Variants in TRIM46 observed in about 807,000 individuals in gnomAD.
TRIM46 encodes tripartite motif-containing protein 46.
A neutral mutation model predicts 69.7 loss-of-function variants in TRIM46; 17 were observed. That is an observed-to-expected ratio of 0.24 (90% confidence interval 0.17 to 0.37). The LOEUF is 0.37. Ranked by LOEUF, TRIM46 falls within the 10% of genes least tolerant of loss-of-function variation. The pLI, the probability that TRIM46 is intolerant of heterozygous loss-of-function variation, is 1.00. For synonymous variants in TRIM46, 391 were observed against 429.0 expected (o/e 0.91, Z 1.09); for missense variants, 675 against 1,025.1 (o/e 0.66, Z 4.66).
At position 155,181,827 on chromosome 1, in the gene TRIM46, A is replaced by T; in HGVS notation, c.1589-25A>T. On this transcript the variant is annotated intron_variant, in intron 8 of 9. Coordinates refer to ENST00000334634, the MANE Select transcript of TRIM46 (RefSeq NM_025058.5). The surrounding 1 kb of genome is among the most constrained non-coding windows in gnomAD (Gnocchi z 4.3). ...TGTTTGTCCCTGAAGTTCTTGCTCCATCTCAACCCTCTCCCTCCTTCCAGT... is the reference window on the plus strand; with the variant it reads ...TGTTTGTCCCTGAAGTTCTTGCTCCTTCTCAACCCTCTCCCTCCTTCCAGT... 6.3e-7 allele frequency: 1 copy of T among 1,593,280 alleles called. No individual in the cohort carries two copies. Among genetic ancestry groups the T allele is most frequent in the Non-Finnish European group, 8.6e-7 (1 of 1,166,034 alleles).
chr1:155,174,445 TCCCCAAGACCCCA>T, intron 1 of TRIM46: 4 of 937,932 alleles, frequency 4.3e-6, no homozygotes, highest in Non-Finnish European at 5.1e-6. Flanking sequence ...TTTGGACCCC[TCCCCAAGACCCCA>T]CCCCACGCAC....
chr1:155,182,368 G>C (rs913394717), intron 9 of TRIM46: 17 of 599,722 alleles, frequency 2.8e-5, no homozygotes, highest in Admixed American at 9.0e-5. Context: ...CATGTCGTGT[G>C]GTCAGGGAAA....
In TRIM46 at chr1:155,175,911, A is replaced by G; in HGVS notation, c.349A>G (p.Lys117Glu). 6.3e-7 allele frequency: 1 copy of G among 1,589,750 alleles called. No individual in the cohort carries two copies. The highest frequency in any genetic ancestry group is 8.6e-7 in the Non-Finnish European group (1 of 1,165,714). ...AGGCTTTGGGACATACCCTGGGAGG[A>G]AGCGAGGTGCTTTGCACCCCCAAGT... ...KSGFGTYPGRKRGALHPQVIM... is the reference protein window; with the variant it reads ...KSGFGTYPGRERGALHPQVIM... Residue 117 changes from lysine (K) to glutamate (E), a missense_variant, in exon 3 of 10, where the codon AAG (lysine) becomes GAG (glutamate). By Grantham distance (56) the Lys-to-Glu change is moderately conservative. Coordinates refer to ENST00000334634, the MANE Select transcript of TRIM46 (RefSeq NM_025058.5). The surrounding 1 kb of genome is among the most constrained non-coding windows in gnomAD (Gnocchi z 4.2).
In TRIM46 at chr1:155,184,079, T is replaced by G; in HGVS notation, c.2169T>G (p.Pro723=). 6.2e-7 allele frequency: 1 copy of G among 1,614,126 alleles called. No homozygotes were observed. The highest frequency in any genetic ancestry group is 2.2e-5 in the East Asian group (1 of 44,886). ...AGTGCCCCCTGGACTGCTCAGGGCC[T>G]GTGTGCCCTGCCTTTTGCTTCATCG... The part of the protein sequence containing the change: ...LLECPLDCSG[P]VCPAFCFIGG... The change falls in exon 10 of 10, where the codon CCT becomes CCG. Residue 723 remains proline, a synonymous_variant. Transcript: ENST00000334634. The surrounding 1 kb of genome is among the most constrained non-coding windows in gnomAD (Gnocchi z 5.6).
In TRIM46 at chr1:155,175,867, A is replaced by G. The variant is rs376134269; in HGVS notation, c.326-21A>G. 16 of 1,582,654 alleles carry G rather than the reference A, an allele frequency of 1.0e-5. No homozygotes were observed. Among genetic ancestry groups the G allele is most frequent in the Non-Finnish European group, 1.4e-5 (16 of 1,164,420 alleles). Reference sequence around the variant, plus strand: ...GCCAGCTGTAACTCTCATGTCCTCTACCTCCCTGGTTCACCCACAGGCTTT... The same window carrying G: ...GCCAGCTGTAACTCTCATGTCCTCTGCCTCCCTGGTTCACCCACAGGCTTT... On this transcript the variant is annotated intron_variant, in intron 2 of 9. Transcript: ENST00000334634. This position sits in a 1 kb window ranked among gnomAD's most constrained non-coding sequence, Gnocchi z 4.2.
chr1:155,182,009 G>T lies in TRIM46; in HGVS notation c.1746G>T (p.Leu582=), dbSNP rs974524194. Residue 582 remains leucine, a synonymous_variant, in exon 9 of 10, where the codon CTG becomes CTT. Transcript: ENST00000334634. ...GCCACCTGAGTGTGGATGTGGTCCT[G>T]GGCGACGTGGCTGTGACCCAGGGCC... ...TGCHLSVDVV[L]GDVAVTQGRS... The T allele has an allele frequency of 5.6e-6, 9 of 1,613,450 alleles. No homozygotes were observed. The Admixed American group carries it at 1.5e-4, about 27-fold the overall frequency.
chr1:155,184,199 G>A lies in TRIM46; in HGVS notation c.*9G>A. On this transcript the variant is annotated 3_prime_UTR_variant, in exon 10 of 10. Coordinates refer to ENST00000334634, the MANE Select transcript of TRIM46 (RefSeq NM_025058.5). This position sits in a 1 kb window ranked among gnomAD's most constrained non-coding sequence, Gnocchi z 5.6. The stretch of plus-strand genomic sequence containing the variant: ...TCGCCAAGCTGGACTGAGCCTTCCA[G>A]GCCCCTCATGCAGACCTGGGGTCCT... 6.3e-7 allele frequency: 1 copy of A among 1,590,748 alleles called. No homozygotes were observed. Among genetic ancestry groups the A allele is most frequent in the Non-Finnish European group, 8.6e-7 (1 of 1,167,866 alleles).
intron 1 of TRIM46, 104 bp downstream of exon 1, chr1:155,174,133 CA>C: frequency 7.6e-7 from 1 of 1,324,186 alleles, no homozygotes; most frequent in Non-Finnish European, 1.1e-6. Flanking sequence ...GGGATGTAGA[CA>C]GGGGGCTAGC....
chr1:155,175,337 G>T lies in TRIM46; in HGVS notation c.64-49G>T, dbSNP rs1487138088. 1 of 1,605,550 alleles carries T rather than the reference G, an allele frequency of 6.2e-7. No homozygotes were observed. Among genetic ancestry groups the T allele is most frequent in the South Asian group, 1.1e-5 (1 of 90,066 alleles). On this transcript the variant is annotated intron_variant, in intron 1 of 9. Coordinates refer to ENST00000334634, the MANE Select transcript of TRIM46 (RefSeq NM_025058.5). This position sits in a 1 kb window ranked among gnomAD's most constrained non-coding sequence, Gnocchi z 4.2. ...CAAGGGCAGCCAAGGGGCTGCTGAG[G>T]TATGCCTAAGTGTCCAAGCGCTGAC...
At chr1:155,174,307 A>G (rs890136718) in intron 1 of TRIM46, among the ~76,000 whole-genome samples, 1 of 152,062 alleles carries the variant, frequency 6.6e-6, no homozygotes, top group Non-Finnish European at 1.5e-5. Flanking sequence ...CCAGCAGTGC[A>G]CCGGGGCTGG....
chr1:155,181,007 G>A lies in TRIM46; in HGVS notation c.1589-845G>A, dbSNP rs1334435207. On this transcript the variant is annotated intron_variant, in intron 8 of 9. Coordinates refer to ENST00000334634, the MANE Select transcript of TRIM46 (RefSeq NM_025058.5). The surrounding 1 kb of genome is among the most constrained non-coding windows in gnomAD (Gnocchi z 4.3). ...CCCAGCACTTTGGGAGGCCGAGGTG[G>A]ATGGATCACGAGGTCAGGCGTTCAA... is the stretch of plus-strand genomic sequence containing the variant. Among the ~76,000 whole-genome samples, 2 of 152,198 alleles carry A rather than the reference G, an allele frequency of 1.3e-5. No individual in the cohort carries two copies. Among genetic ancestry groups the A allele is most frequent in the Non-Finnish European group, 2.9e-5 (2 of 68,048 alleles).
chr1:155,182,911 C>G (rs1557818117), intron 9 of TRIM46: 1 of 115,194 alleles, frequency 8.7e-6, no homozygotes, highest in Admixed American at 1.0e-4. Context: ...CCCCAACTCC[C>G]TGTTTTTTTT....
Position 155,181,979 on chromosome 1 carries a change from C to A in TRIM46, c.1716C>A (p.Thr572=), listed in dbSNP as rs757028983. Residue 572 remains threonine (T), a synonymous_variant, in exon 9 of 10, where the codon ACC becomes ACA. Transcript: ENST00000334634. This position sits in a 1 kb window ranked among gnomAD's most constrained non-coding sequence, Gnocchi z 4.3. The stretch of plus-strand genomic sequence containing the variant: ...TGCTGGCTGCTGACCGGCTGCTGAC[C>A]GGCTGCCACCTGAGTGTGGATGTGG... ...PLLLAADRLL[T]GCHLSVDVVL... 6.2e-7 allele frequency: 1 copy of A among 1,613,688 alleles called. No individual in the cohort carries two copies. Among genetic ancestry groups the A allele is most frequent in the Non-Finnish European group, 8.5e-7 (1 of 1,179,924 alleles).
rs1436969965 is a variant in TRIM46 at position 155,178,118 on chromosome 1, G to T, written c.1026G>T (p.Arg342=). ...CCATTGAAGAATGCCAGCAGGAGCG[G>T]CTGGCCCGTCTCAGCGCCCAGATCC... The part of the protein sequence containing the change: ...LQAIEECQQE[R]LARLSAQIQE... Residue 342 remains arginine (R), a synonymous_variant, in exon 6 of 10, where the codon CGG becomes CGT. Coordinates refer to ENST00000334634, the MANE Select transcript of TRIM46 (RefSeq NM_025058.5). 6.2e-7 allele frequency: 1 copy of T among 1,614,070 alleles called. No homozygotes were observed. Among genetic ancestry groups the T allele is most frequent in the East Asian group, 2.2e-5 (1 of 44,896 alleles).
intron 7 of TRIM46, 85 bp downstream of exon 7, chr1:155,178,698 G>A: frequency 1.9e-6 from 3 of 1,587,012 alleles, no homozygotes; most frequent in South Asian, 2.2e-5. Context: ...GTGCCTACCG[G>A]GGACCTCCCC....
chr1:155,183,657 C>A, intron 9 of TRIM46, 140 bp from the exon 10 acceptor site: 2 of 1,096,464 alleles, frequency 1.8e-6, no homozygotes, highest in Non-Finnish European at 2.6e-6. Context: ...CCTGCCTCTT[C>A]AGCGTTTTCT....
In TRIM46 at chr1:155,175,421, C is replaced by T. The variant is rs1665565014; in HGVS notation, c.99C>T (p.Cys33=). The change falls in exon 2 of 10, where the codon TGC becomes TGT. Residue 33 remains cysteine (C), a synonymous_variant. Coordinates refer to ENST00000334634, the MANE Select transcript of TRIM46 (RefSeq NM_025058.5). The surrounding 1 kb of genome is among the most constrained non-coding windows in gnomAD (Gnocchi z 4.2). ...AGAACATGGAGAAGGAACTGCTGTG[C>T]CCAGTGTGTCAAGAGATGTACAAGC... ...SMKNMEKELL[C]PVCQEMYKQP... 6.2e-7 allele frequency: 1 copy of T among 1,613,996 alleles called. No individual in the cohort carries two copies. Among genetic ancestry groups the T allele is most frequent in the African/African-American group, 1.3e-5 (1 of 74,918 alleles).
rs1393224273 is a variant in TRIM46 at position 155,181,762 on chromosome 1, C to T, written c.1589-90C>T. ...TCCTGGTGACTGAACCCCCTTGCAA[C>T]GCGTTCCCTGTTCTGCAGTCTCACA... On this transcript the variant is annotated intron_variant, in intron 8 of 9. Transcript: ENST00000334634. This position sits in a 1 kb window ranked among gnomAD's most constrained non-coding sequence, Gnocchi z 4.3. 19 of 1,438,500 alleles carry T rather than the reference C, an allele frequency of 1.3e-5. No individual in the cohort carries two copies. Among genetic ancestry groups the T allele is most frequent in the Non-Finnish European group, 1.8e-5 (19 of 1,055,588 alleles). The allele number at this position is 1,438,500 out of a possible 1,614,324, so 89.1% of individuals were successfully genotyped here. A position where few individuals can be genotyped will look rare whatever the true frequency, so the allele number is the denominator to read the frequency against.
chr1:155,178,018 C>T lies in TRIM46; in HGVS notation c.926C>T (p.Ala309Val). Residue 309 changes from alanine (A) to valine (V), a missense_variant, in exon 6 of 10, where the codon GCC (alanine) becomes GTC (valine). Coordinates refer to ENST00000334634, the MANE Select transcript of TRIM46 (RefSeq NM_025058.5). ...VRHTEVSGQQ[A>V]KEEVSQLVRG... is the part of the protein sequence containing the mutation. ...CCTGGGCAGGTGAGTGGTCAGCAGG[C>T]CAAGGAGGAGGTGTCGCAGCTGGTG... 6.2e-7 allele frequency: 1 copy of T among 1,613,060 alleles called. No individual in the cohort carries two copies. The highest frequency in any genetic ancestry group is 1.1e-5 in the South Asian group (1 of 91,014).
Sources: allele counts gnomAD v4.1 joint callset (sites outside exome capture counted in the v4.1 genomes callset), GRCh38; gene constraint gnomAD v4.1.1; non-coding constraint Gnocchi (gnomAD v3.1); transcripts MANE v1.5; gene names NCBI Gene and HGNC (gene_info 2026-07-23, HGNC 2026-07-21).